KCNIP4: variants seen among roughly 807,000 people sequenced by gnomAD.
The protein encoded by KCNIP4 is Kv channel-interacting protein 4.
Under a neutral mutation model 34.0 loss-of-function variants are expected in KCNIP4, and 12 were observed. The ratio of observed to expected loss-of-function variants is 0.35; its 90% confidence interval spans 0.23 to 0.57. The LOEUF (loss-of-function observed/expected upper bound fraction) is 0.57, where lower values mean the gene tolerates loss of function less well. Among genes scored for constraint, KCNIP4 ranks in the 20% least tolerant of loss-of-function variants. The pLI, the probability that KCNIP4 is intolerant of heterozygous loss-of-function variation, is 0.83. For missense variants in KCNIP4, 238 were observed against 311.7 expected (o/e 0.76, Z 1.78); for synonymous variants, 124 against 102.2 (o/e 1.21, Z -1.29).
chr4:21,781,639 G>A (rs1719580088), intron 1 of KCNIP4, among the ~76,000 whole-genome samples: 1 of 151,912 alleles, frequency 6.6e-6, no homozygotes, highest in Non-Finnish European at 1.5e-5. Flanking sequence ...AGGACTCTTT[G>A]GACATCACGA....
chr4:21,261,256 C>A (rs1379693076), intron 1 of KCNIP4, among the ~76,000 whole-genome samples: 2 of 152,032 alleles, frequency 1.3e-5, no homozygotes, highest in Non-Finnish European at 2.9e-5. Context: ...AATAGGGAAG[C>A]AAATATCATT....
At chr4:21,105,006 T>A (rs1165547899) in intron 1 of KCNIP4, among the ~76,000 whole-genome samples, 1 of 151,756 alleles carries the variant, frequency 6.6e-6, no homozygotes, top group Non-Finnish European at 1.5e-5. Flanking sequence ...AGCCTTGTAG[T>A]ATAGTCTGAA....
At chr4:20,941,095 C>T (rs1731592153) in intron 1 of KCNIP4, among the ~76,000 whole-genome samples, 2 of 152,150 alleles carry the variant, frequency 1.3e-5, no homozygotes, top group African/African-American at 2.4e-5. Flanking sequence ...TTCCCCTTTC[C>T]CCATGAGAGT....
rs1270898209 is a variant in KCNIP4 at position 21,522,456 on chromosome 4, T to C, written c.61+426115A>G. Among the ~76,000 whole-genome samples the C allele has an allele frequency of 2.0e-5, 3 of 151,950 alleles. No homozygotes were observed. In the East Asian group the frequency reaches 5.8e-4, roughly 29 times the overall value. On this transcript the variant is annotated intron_variant, in intron 1 of 8. Transcript: ENST00000382152. ...CTCATAGCTCACTGCAGCCTCTAAC[T>C]CCTGGGCTCAAGCGATCTTCCGGCC...
intron 1 of KCNIP4, among the ~76,000 whole-genome samples, chr4:21,366,015 C>T (rs369375428): frequency 1.1e-4 from 16 of 152,284 alleles, no homozygotes; most frequent in African/African-American, 3.1e-4. Flanking sequence ...TGGTGATGTT[C>T]AGAATGGTAT....
intron 1 of KCNIP4, among the ~76,000 whole-genome samples, chr4:21,946,692 A>T (rs1179072104): frequency 2.6e-5 from 4 of 152,230 alleles, no homozygotes; most frequent in Non-Finnish European, 5.9e-5. Flanking sequence ...ATCATATGAC[A>T]ACTAACTAAA....
At chr4:21,859,552 T>C (rs1724947031) in intron 1 of KCNIP4, among the ~76,000 whole-genome samples, 1 of 150,952 alleles carries the variant, frequency 6.6e-6, no homozygotes, top group Non-Finnish European at 1.5e-5. Context: ...GGCATGAACC[T>C]GGGAGGCGGA....
At chr4:21,710,487 T>C (rs1178180589) in intron 1 of KCNIP4, among the ~76,000 whole-genome samples, 3 of 152,232 alleles carry the variant, frequency 2.0e-5, no homozygotes, top group Non-Finnish European at 4.4e-5. Context: ...AACCACCTAA[T>C]GCAGTTTTCA....
intron 1 of KCNIP4, among the ~76,000 whole-genome samples, chr4:21,580,940 A>C (rs1741155411): frequency 6.6e-6 from 1 of 152,098 alleles, no homozygotes; most frequent in Non-Finnish European, 1.5e-5. Context: ...AAATGACCCA[A>C]GTCAATGAGT....
At chr4:20,856,690 T>A (rs1407352377) in intron 2 of KCNIP4, among the ~76,000 whole-genome samples, 1 of 152,220 alleles carries the variant, frequency 6.6e-6, no homozygotes, top group Non-Finnish European at 1.5e-5. Flanking sequence ...TATAGGGAAA[T>A]ATTTTTCAGA....
chr4:21,759,367 C>T (rs7658944), intron 1 of KCNIP4, among the ~76,000 whole-genome samples: 113,467 of 152,096 alleles, frequency 0.75, 44,064 homozygotes, highest in African/African-American at 0.91. Flanking sequence ...ACATTGGCTG[C>T]ATTTCATGTG....
chr4:21,715,839 T>C (rs983979331), intron 1 of KCNIP4, among the ~76,000 whole-genome samples: 1 of 152,190 alleles, frequency 6.6e-6, no homozygotes, highest in African/African-American at 2.4e-5. Context: ...CATGATATGG[T>C]TTTCAATCTT....
intron 1 of KCNIP4, among the ~76,000 whole-genome samples, chr4:21,439,495 A>T (rs996364654): frequency 2.6e-5 from 4 of 152,166 alleles, no homozygotes; most frequent in Non-Finnish European, 5.9e-5. Flanking sequence ...CTTCCTTGCC[A>T]ATCTCCACTG....
intron 1 of KCNIP4, among the ~76,000 whole-genome samples, chr4:21,333,922 A>T (rs1353006742): frequency 3.3e-5 from 5 of 152,066 alleles, no homozygotes; most frequent in African/African-American, 1.2e-4. Flanking sequence ...TTATACCACT[A>T]CTCTATCATA....
At chr4:20,861,990 T>C (rs566752213) in intron 2 of KCNIP4, among the ~76,000 whole-genome samples, 1 of 149,358 alleles carries the variant, frequency 6.7e-6, no homozygotes, top group Non-Finnish European at 1.5e-5. Context: ...TTATTATTAT[T>C]ATTATTATTA....
intron 1 of KCNIP4, among the ~76,000 whole-genome samples, chr4:21,631,870 T>C (rs185440995): frequency 6.6e-6 from 1 of 152,190 alleles, no homozygotes; most frequent in Admixed American, 6.5e-5. Context: ...TGAGATTTGG[T>C]GTTCCATCAT....
At chr4:21,634,696 C>T (rs1009126683) in intron 1 of KCNIP4, among the ~76,000 whole-genome samples, 2 of 152,122 alleles carry the variant, frequency 1.3e-5, no homozygotes, top group African/African-American at 4.8e-5. Flanking sequence ...TTTAAGGAGA[C>T]ATATAAGCCA....
chr4:21,565,103 G>A (rs1739756700), intron 1 of KCNIP4, among the ~76,000 whole-genome samples: 1 of 152,266 alleles, frequency 6.6e-6, no homozygotes, highest in South Asian at 2.1e-4. Flanking sequence ...AAAATCCTGT[G>A]TTAATCAGCT....
Position 21,519,416 on chromosome 4 carries a change from GTA to G in KCNIP4, c.61+429153_61+429154del, listed in dbSNP as rs775612398. Among the ~76,000 whole-genome samples the G allele has an allele frequency of 1.9e-3, 224 of 115,124 alleles. 9 individuals are homozygous for G. The highest frequency in any genetic ancestry group is 6.5e-3 in the East Asian group (24 of 3,708). 75.5% of individuals were successfully genotyped at this position (115,124 alleles called of 152,430 possible). On this transcript the variant is annotated intron_variant, in intron 1 of 8. Coordinates refer to ENST00000382152, the MANE Select transcript of KCNIP4 (RefSeq NM_025221.6). ...TATACATATGTGTGTATATGTATGTGTATATATACACATATGTGTGTATATGT... is the reference window on the plus strand; with the variant it reads ...TATACATATGTGTGTATATGTATGTGTATATACACATATGTGTGTATATGT...
Sources: gnomAD v4.1 joint callset for allele counts (sites outside exome capture counted in the v4.1 genomes callset) on GRCh38, gnomAD v4.1.1 for gene constraint, MANE v1.5 for transcripts, NCBI Gene and HGNC (gene_info 2026-07-23, HGNC 2026-07-21) for gene names.